Variants in RNASE4 observed in about 807,000 individuals in gnomAD.
The protein encoded by RNASE4 is ribonuclease 4.
For synonymous variants in RNASE4, 93 were observed against 71.4 expected, an observed-to-expected ratio of 1.30 and a Z score of -1.52; for missense variants, 194 against 192.8, an observed-to-expected ratio of 1.01 and a Z score of -0.04.
chr14:20,688,559 A>C (rs1313167462), intron 1 of RNASE4: 1 of 406,872 alleles, frequency 2.5e-6, no homozygotes, highest in South Asian at 1.0e-4. Context: ...GAAAAGGGCA[A>C]CTTTTGGACA....
intron 1 of RNASE4, among the ~76,000 whole-genome samples, chr14:20,696,736 A>G (rs1887105094): frequency 6.6e-6 from 1 of 152,174 alleles, no homozygotes; most frequent in South Asian, 2.1e-4. Flanking sequence ...AGTGGTAAAA[A>G]AAAAAAAATG....
intron 1 of RNASE4, among the ~76,000 whole-genome samples, chr14:20,692,349 A>G (rs1258710772): frequency 1.3e-5 from 2 of 152,196 alleles, no homozygotes; most frequent in Non-Finnish European, 1.5e-5. Context: ...TCAGGATACA[A>G]CTGCTTTCAA....
At chr14:20,696,138 TATTG>T (rs1887086583) in intron 1 of RNASE4, among the ~76,000 whole-genome samples, 1 of 152,224 alleles carries the variant, frequency 6.6e-6, no homozygotes, top group African/African-American at 2.4e-5. Flanking sequence ...ACCATTATTA[TATTG>T]ATCACAGCAT....
chr14:20,696,664 C>G (rs1887102203), intron 1 of RNASE4, among the ~76,000 whole-genome samples: 1 of 151,432 alleles, frequency 6.6e-6, no homozygotes, highest in Non-Finnish European at 1.5e-5. Context: ...ATATATGCAA[C>G]TCTGTAGTCA....
chr14:20,696,904 T>C (rs1887110700), intron 1 of RNASE4, among the ~76,000 whole-genome samples: 1 of 152,222 alleles, frequency 6.6e-6, no homozygotes, highest in South Asian at 2.1e-4. Flanking sequence ...AATTTTCTCA[T>C]GGTCACAGCC....
chr14:20,688,981 A>C (rs1166727537), intron 1 of RNASE4: 1 of 491,820 alleles, frequency 2.0e-6, no homozygotes, highest in Non-Finnish European at 2.6e-6. Context: ...TCATGAATTA[A>C]AAAGAAAATG....
Position 20,699,753 on chromosome 14 carries a change from AC to A in RNASE4, c.383del (p.Thr128IlefsTer32). ...CTGCAGATATCGGGCCATAGCGAGC[AC>A]TAGACGTGTTGTCATTGCCTGTGAG... Reference protein sequence around the residue: ...PNCRYRAIASTRRVVIACEGN... With the variant: ...PNCRYRAIASXRRVVIACEGN... On this transcript the variant is annotated frameshift_variant, in exon 2 of 2. Transcript: ENST00000555835. LOFTEE classifies it high-confidence loss of function. 1 of 1,611,928 alleles carries A rather than the reference AC, an allele frequency of 6.2e-7. No individual in the cohort carries two copies. Among genetic ancestry groups the A allele is most frequent in the Non-Finnish European group, 8.5e-7 (1 of 1,180,030 alleles).
At chr14:20,694,595 G>A (rs903908140) in intron 1 of RNASE4, among the ~76,000 whole-genome samples, 4 of 151,928 alleles carry the variant, frequency 2.6e-5, no homozygotes, top group East Asian at 1.9e-4. Context: ...CCACTGAGCC[G>A]GGCCACTTTT....
chr14:20,690,865 A>G (rs1594206206), intron 1 of RNASE4, among the ~76,000 whole-genome samples: 2 of 152,368 alleles, frequency 1.3e-5, no homozygotes, highest in East Asian at 3.9e-4. Context: ...CCAGTAAGAA[A>G]CACTAACAAG....
chr14:20,699,903 C>A lies in RNASE4; in HGVS notation c.*88C>A. 1 of 1,096,210 alleles carries A rather than the reference C, an allele frequency of 9.1e-7. No individual in the cohort carries two copies. The highest frequency in any genetic ancestry group is 1.4e-6 in the Non-Finnish European group (1 of 734,232). 67.9% of individuals were successfully genotyped at this position (1,096,210 alleles called of 1,614,324 possible). ...AGTAATGCATTTGAGCTGTCCCAGG[C>A]TCTGTCTCCTCAGCTCATTTCCTAC... On this transcript the variant is annotated 3_prime_UTR_variant, in exon 2 of 2. Transcript: ENST00000555835.
At chr14:20,692,886 C>T (rs546792502) in intron 1 of RNASE4, among the ~76,000 whole-genome samples, 8 of 152,046 alleles carry the variant, frequency 5.3e-5, no homozygotes, top group Admixed American at 2.6e-4. Context: ...CTCGCTCTGT[C>T]GCCAAGGCTG....
At chr14:20,685,999 C>G (rs1268417425) in intron 1 of RNASE4, among the ~76,000 whole-genome samples, 1 of 149,982 alleles carries the variant, frequency 6.7e-6, no homozygotes, top group Non-Finnish European at 1.5e-5. Flanking sequence ...GAGATTGCGT[C>G]ACTGCACTCT....
At chr14:20,690,221 C>A (rs1272205670) in intron 1 of RNASE4, among the ~76,000 whole-genome samples, 23 of 67,978 alleles carry the variant, frequency 3.4e-4, no homozygotes, top group East Asian at 9.4e-4. Flanking sequence ...GACTCCGTCT[C>A]AAAAAAAAAA....
intron 1 of RNASE4, among the ~76,000 whole-genome samples, chr14:20,686,125 T>G (rs1001965931): frequency 1.3e-5 from 2 of 152,042 alleles, no homozygotes; most frequent in African/African-American, 4.8e-5. Flanking sequence ...AATACATGTC[T>G]CTTTCTCTGT....
chr14:20,685,515 A>G (rs1382187400), intron 1 of RNASE4, among the ~76,000 whole-genome samples: 1 of 152,232 alleles, frequency 6.6e-6, no homozygotes, highest in African/African-American at 2.4e-5. Flanking sequence ...CCTTCCCAGA[A>G]GCAGCCTCAG....
chr14:20,698,300 G>A (rs1214132033), intron 1 of RNASE4, among the ~76,000 whole-genome samples: 1 of 152,118 alleles, frequency 6.6e-6, no homozygotes, highest in Non-Finnish European at 1.5e-5. Context: ...AAGACAGAAG[G>A]AACATCAAGA....
intron 1 of RNASE4, chr14:20,699,114 C>T (rs1887191358): frequency 2.2e-6 from 1 of 463,140 alleles, no homozygotes; most frequent in African/African-American, 1.9e-5. Context: ...ATTGTACTGG[C>T]CACAGCAACT....
intron 1 of RNASE4, among the ~76,000 whole-genome samples, chr14:20,694,795 G>T (rs1887021949): frequency 6.6e-6 from 1 of 152,068 alleles, no homozygotes; most frequent in South Asian, 2.1e-4. Context: ...CTACAAATAT[G>T]AGACCTTGGA....
chr14:20,698,423 GTTTAAA>G (rs895923993), intron 1 of RNASE4, among the ~76,000 whole-genome samples: 4 of 152,164 alleles, frequency 2.6e-5, no homozygotes, highest in African/African-American at 9.7e-5. Flanking sequence ...ATATTGTGCT[GTTTAAA>G]TTTATTTTTT....
Sources: allele counts gnomAD v4.1 joint callset (sites outside exome capture counted in the v4.1 genomes callset), GRCh38; gene constraint gnomAD v4.1.1; transcripts MANE v1.5; gene names NCBI Gene and HGNC (gene_info 2026-07-23, HGNC 2026-07-21).